The following VPS53 variants were observed in gnomAD, a reference collection of about 807,000 sequenced individuals.
The protein encoded by VPS53 is VPS53 subunit of GARP complex, also known as vacuolar protein sorting-associated protein 53 homolog.
Under a neutral mutation model 107.0 loss-of-function variants are expected in VPS53, and 70 were observed. That is an observed-to-expected ratio of 0.65 (90% CI 0.54 to 0.80). The LOEUF (loss-of-function observed/expected upper bound fraction) is 0.80, where lower values mean the gene tolerates loss of function less well. VPS53 is among the 30% of genes least tolerant of loss of function. The pLI, the probability that VPS53 is intolerant of heterozygous loss-of-function variation, is 0.00. For synonymous variants in VPS53, 409 were observed against 393.3 expected, an observed-to-expected ratio of 1.04 and a Z score of -0.47; for missense variants, 917 against 1,049.4, an observed-to-expected ratio of 0.87 and a Z score of 1.74.
chr17:672,289 T>C (rs967745455), intron 4 of VPS53, among the ~76,000 whole-genome samples: 6 of 151,878 alleles, frequency 4.0e-5, no homozygotes, highest in Non-Finnish European at 7.4e-5. Flanking sequence ...GTCACACTTG[T>C]TGAACTTCTT....
intron 2 of VPS53, among the ~76,000 whole-genome samples, chr17:699,617 A>G (rs951461848): frequency 6.6e-6 from 1 of 152,094 alleles, no homozygotes; most frequent in African/African-American, 2.4e-5. Context: ...ATGCCCGTTC[A>G]CTTACATATT....
intron 2 of VPS53, among the ~76,000 whole-genome samples, chr17:700,798 A>G (rs1026814689): frequency 6.6e-6 from 1 of 152,172 alleles, no homozygotes; most frequent in African/African-American, 2.4e-5. Flanking sequence ...CCCTTAACAA[A>G]TATTTTATCT....
chr17:651,462 G>A (rs957732906), intron 7 of VPS53, among the ~76,000 whole-genome samples: 3 of 152,056 alleles, frequency 2.0e-5, no homozygotes, highest in Non-Finnish European at 2.9e-5. Context: ...GAGGTGCTGC[G>A]TGCTTGTAGT....
At chr17:633,222 C>T (rs1204768486) in intron 7 of VPS53, among the ~76,000 whole-genome samples, 1 of 152,178 alleles carries the variant, frequency 6.6e-6, no homozygotes, top group Non-Finnish European at 1.5e-5. Flanking sequence ...ATCGATCACG[C>T]CCCACAATCG....
chr17:533,861 A>ACT (rs1280724357), intron 18 of VPS53, among the ~76,000 whole-genome samples: 1 of 150,382 alleles, frequency 6.6e-6, no homozygotes, highest in African/African-American at 2.4e-5. Context: ...TTTTTTTGAG[A>ACT]CAGAGTCTCG....
intron 11 of VPS53, among the ~76,000 whole-genome samples, chr17:617,736 G>A (rs55825460): frequency 0.24 from 28,752 of 118,428 alleles, 3,254 homozygotes; most frequent in Non-Finnish European, 0.35. Context: ...CAGGTAGCTG[G>A]GACTACAGGC....
At chr17:665,717 A>G (rs1567722678) in intron 4 of VPS53, among the ~76,000 whole-genome samples, 1 of 152,224 alleles carries the variant, frequency 6.6e-6, no homozygotes, top group Non-Finnish European at 1.5e-5. Context: ...AGAAATACAG[A>G]CAGTAAGCTG....
intron 12 of VPS53, among the ~76,000 whole-genome samples, chr17:591,640 A>G (rs12602049): frequency 0.2 from 30,457 of 151,968 alleles, 3,920 homozygotes; most frequent in Non-Finnish European, 0.28. Flanking sequence ...TTATGTACCC[A>G]GTAGTCATTC....
chr17:642,959 T>A (rs62056509), intron 7 of VPS53, among the ~76,000 whole-genome samples: 79,504 of 79,836 alleles, frequency 1, 39,629 homozygotes, highest in South Asian at 1. Flanking sequence ...CGAGGACAAC[T>A]CTCATACTTG....
In VPS53 at chr17:514,238, C is replaced by T. The variant is rs1908132744; in HGVS notation, c.*4890G>A. The T allele has an allele frequency of 1.2e-5, 1 of 86,854 alleles. No homozygotes were observed. The highest frequency in any genetic ancestry group is 1.9e-5 in the Non-Finnish European group (1 of 52,950). 5.4% of individuals were successfully genotyped at this position (86,854 alleles called of 1,614,324 possible). On this transcript the variant is annotated 3_prime_UTR_variant, in exon 22 of 22. Coordinates refer to ENST00000437048, the MANE Select transcript of VPS53 (RefSeq NM_001128159.3). ...CCTAGCGAAGGAACCCCATTTCCAG[C>T]AGGTTATTCCGAGTGCTCTTCCTAG...
intron 7 of VPS53, among the ~76,000 whole-genome samples, chr17:639,319 T>TA: frequency 6.6e-6 from 1 of 152,334 alleles, no homozygotes. Context: ...GCCATTCGTC[T>TA]AATCTTTTTT....
In VPS53 at chr17:647,438, T is replaced by G. The variant is rs528693971; in HGVS notation, c.608+5853A>C. On this transcript the variant is annotated intron_variant, in intron 7 of 21. Transcript: ENST00000437048. The stretch of plus-strand genomic sequence containing the variant: ...GGATGTAGAAAATGCAGAGTAAATA[T>G]CTATCATGCAAATGAAGAAAAGAAC... Among the ~76,000 whole-genome samples, 202 of 152,314 alleles carry G rather than the reference T, an allele frequency of 1.3e-3. 1 individual carries two copies. The highest frequency in any genetic ancestry group is 4.5e-3 in the African/African-American group (187 of 41,566).
At chr17:679,851 T>C (rs1048781737) in intron 4 of VPS53, among the ~76,000 whole-genome samples, 7 of 152,084 alleles carry the variant, frequency 4.6e-5, no homozygotes, top group African/African-American at 1.7e-4. Context: ...CAGTTTGTTT[T>C]ATAAAGCTGA....
intron 7 of VPS53, among the ~76,000 whole-genome samples, chr17:651,208 G>A (rs75570432): frequency 1.1e-4 from 16 of 152,302 alleles, no homozygotes; most frequent in African/African-American, 3.8e-4. Flanking sequence ...ACACAAATCC[G>A]CAGTGATAGC....
intron 19 of VPS53, among the ~76,000 whole-genome samples, chr17:528,595 CTTTTTTTTTT>C (rs138081726): frequency 9.9e-6 from 1 of 101,274 alleles, no homozygotes; most frequent in Non-Finnish European, 1.8e-5. Context: ...TTTTTCAATT[CTTTTTTTTTT>C]TTTTTTTTTT....
rs143012440 is a variant in VPS53, at chr17:562,385, C to T, written c.1556+118G>A. The T allele has an allele frequency of 7.1e-5, 100 of 1,400,298 alleles. No homozygotes were observed. The African/African-American group carries it at 9.2e-4, about 13-fold the overall frequency. The allele number at this position is 1,400,298 out of a possible 1,614,324, so 86.7% of individuals were successfully genotyped here. On this transcript the variant is annotated intron_variant, in intron 14 of 21. Transcript: ENST00000437048. ...TTCAGGCCCTCGGGAACTCAGGAAG[C>T]GTGCTTTCCTCCTTGATACTCTTGG...
At chr17:662,845 GGAAGGAAGGAAGGAAGGAAGGAAGGAAC>G (rs1426414861) in intron 4 of VPS53, among the ~76,000 whole-genome samples, 31 of 94,402 alleles carry the variant, frequency 3.3e-4, no homozygotes, top group Admixed American at 5.6e-4. Context: ...AAGGAAGGAA[GGAAGGAAGGAAGGAAGGAAGGAAGGAAC>G]GAAGGAAGGA....
chr17:668,191 G>A (rs1275903816), intron 4 of VPS53, among the ~76,000 whole-genome samples: 6 of 152,080 alleles, frequency 3.9e-5, no homozygotes, highest in East Asian at 1.9e-4. Flanking sequence ...TTGGTTTACC[G>A]GGGACACGCT....
At chr17:618,344 GGGTGCACCACCA>G in intron 11 of VPS53, among the ~76,000 whole-genome samples, 1 of 102,522 alleles carries the variant, frequency 9.8e-6, no homozygotes, top group African/African-American at 3.1e-5. Flanking sequence ...GGGACTACAG[GGGTGCACCACCA>G]CGCCCCACTA....
Sources: allele counts gnomAD v4.1 joint callset (sites outside exome capture counted in the v4.1 genomes callset), GRCh38; gene constraint gnomAD v4.1.1; transcripts MANE v1.5; gene names NCBI Gene and HGNC (gene_info 2026-07-23, HGNC 2026-07-21).